CAMK1D: variants seen among roughly 807,000 people sequenced by gnomAD.
CAMK1D encodes the protein calcium/calmodulin-dependent protein kinase type 1D.
In CAMK1D, 9 loss-of-function variants were observed where a neutral mutation model predicts 47.7. The observed-to-expected ratio is 0.19, with a 90% CI of 0.11 to 0.33. The LOEUF (loss-of-function observed/expected upper bound fraction) is 0.33. Among genes scored for constraint, CAMK1D ranks in the 10% least tolerant of loss-of-function variants. The probability of loss-of-function intolerance (pLI) is 1.00; values close to 1 mark genes in which losing one functional copy is unlikely to be tolerated. For missense variants in CAMK1D, 291 were observed against 488.7 expected (o/e 0.60, Z 3.81); for synonymous variants, 184 against 184.9 (o/e 0.99, Z 0.04).
intron 2 of CAMK1D, among the ~76,000 whole-genome samples, chr10:12,637,026 C>T (rs370984726): frequency 1.3e-5 from 2 of 152,098 alleles, no homozygotes; most frequent in East Asian, 3.9e-4. Context: ...GGCTGGAGTA[C>T]AGTGCCTTCA....
intron 3 of CAMK1D, among the ~76,000 whole-genome samples, chr10:12,698,498 A>C (rs555740863): frequency 2.7e-4 from 41 of 152,278 alleles, no homozygotes; most frequent in African/African-American, 8.2e-4. Flanking sequence ...ACAGGTAAAA[A>C]ATTTAAATAT....
rs544054943 is a variant in CAMK1D at position 12,610,030 on chromosome 10, G to A, written c.224+56674G>A. Among the ~76,000 whole-genome samples the A allele has an allele frequency of 3.9e-5, 6 of 152,286 alleles. No homozygotes were observed. In the East Asian group the frequency reaches 9.7e-4, roughly 25 times the overall value. On this transcript the variant is annotated intron_variant, in intron 2 of 10. Coordinates refer to ENST00000619168, the MANE Select transcript of CAMK1D (RefSeq NM_153498.4). ...ACAGCCCAGTAGTGTGCTGGTAAAC[G>A]TTTAACAACGGGCTCTTGGGGCAGT...
intron 2 of CAMK1D, among the ~76,000 whole-genome samples, chr10:12,651,243 T>G (rs1839955378): frequency 6.6e-6 from 1 of 152,172 alleles, no homozygotes; most frequent in Non-Finnish European, 1.5e-5. Flanking sequence ...ACTCAAACAC[T>G]GTGGGTCCAG....
At chr10:12,421,102 G>C (rs192139284) in intron 1 of CAMK1D, among the ~76,000 whole-genome samples, 51 of 152,282 alleles carry the variant, frequency 3.3e-4, no homozygotes, top group Admixed American at 3.3e-3. Context: ...GCGTGGTGTT[G>C]AGGTGAAGGC....
intron 8 of CAMK1D, among the ~76,000 whole-genome samples, chr10:12,823,331 C>T (rs1432555787): frequency 1.3e-5 from 2 of 152,104 alleles, no homozygotes; most frequent in African/African-American, 2.4e-5. Context: ...CTTTCTTAGC[C>T]ATCAGATAGT....
At chr10:12,359,779 T>A (rs1837608786) in intron 1 of CAMK1D, among the ~76,000 whole-genome samples, 1 of 152,200 alleles carries the variant, frequency 6.6e-6, no homozygotes, top group Admixed American at 6.5e-5. Context: ...ATCATGAAGT[T>A]TTGTAGTTTA....
intron 2 of CAMK1D, among the ~76,000 whole-genome samples, chr10:12,634,795 C>T (rs1053187341): frequency 1.3e-5 from 2 of 152,110 alleles, no homozygotes; most frequent in Non-Finnish European, 2.9e-5. Context: ...CGCTGGGAGG[C>T]AACATCTCGG....
intron 6 of CAMK1D, among the ~76,000 whole-genome samples, chr10:12,798,682 G>C (rs929796418): frequency 7.9e-5 from 12 of 152,226 alleles, no homozygotes; most frequent in Non-Finnish European, 1.5e-5. Flanking sequence ...AAAATGTGCT[G>C]TTTGTGTATG....
chr10:12,683,727 A>G (rs1023490028), intron 3 of CAMK1D, among the ~76,000 whole-genome samples: 2 of 143,430 alleles, frequency 1.4e-5, no homozygotes, highest in African/African-American at 5.2e-5. Context: ...GAAGTAAATG[A>G]ATTTAGGAAT....
At chr10:12,772,474 G>A (rs777955983) in intron 5 of CAMK1D, among the ~76,000 whole-genome samples, 19 of 152,156 alleles carry the variant, frequency 1.2e-4, no homozygotes, top group Non-Finnish European at 2.5e-4. Context: ...CCCTAGCTAC[G>A]TACGCATCAC....
intron 1 of CAMK1D, among the ~76,000 whole-genome samples, chr10:12,496,465 C>A (rs1344485046): frequency 6.6e-6 from 1 of 152,060 alleles, no homozygotes; most frequent in Non-Finnish European, 1.5e-5. Flanking sequence ...TGTCAGACAG[C>A]AGAATGGAGG....
At chr10:12,777,901 C>A (rs1025364212) in intron 5 of CAMK1D, among the ~76,000 whole-genome samples, 10 of 152,194 alleles carry the variant, frequency 6.6e-5, no homozygotes, top group Non-Finnish European at 1.3e-4. Flanking sequence ...CAGGGCAGAG[C>A]CCAGCCCCAT....
intron 1 of CAMK1D, among the ~76,000 whole-genome samples, chr10:12,449,045 T>C (rs573170534): frequency 2.0e-4 from 31 of 152,360 alleles, no homozygotes; most frequent in African/African-American, 7.0e-4. Flanking sequence ...TGTTATTGTA[T>C]GATTCTATCC....
At chr10:12,743,502 C>T (rs1835529495) in intron 3 of CAMK1D, among the ~76,000 whole-genome samples, 1 of 152,136 alleles carries the variant, frequency 6.6e-6, no homozygotes, top group Non-Finnish European at 1.5e-5. Context: ...GAAGAATGCA[C>T]TTAAAAAATA....
chr10:12,827,101 ATTC>A (rs1190173389), intron 10 of CAMK1D, among the ~76,000 whole-genome samples: 2 of 152,058 alleles, frequency 1.3e-5, no homozygotes, highest in Non-Finnish European at 2.9e-5. Context: ...GAACATCTCT[ATTC>A]TTGCTCTTTT....
At chr10:12,572,028 C>A (rs1837342552) in intron 2 of CAMK1D, among the ~76,000 whole-genome samples, 1 of 129,078 alleles carries the variant, frequency 7.7e-6, no homozygotes, top group African/African-American at 3.1e-5. Flanking sequence ...AAAGCAGCAC[C>A]CAAAAACTAA....
At chr10:12,662,277 C>T (rs767514341) in intron 2 of CAMK1D, among the ~76,000 whole-genome samples, 1 of 152,136 alleles carries the variant, frequency 6.6e-6, no homozygotes, top group African/African-American at 2.4e-5. Flanking sequence ...TCATCTGAAA[C>T]GCTGCATGGA....
intron 3 of CAMK1D, among the ~76,000 whole-genome samples, chr10:12,746,779 C>G (rs1000258239): frequency 3.9e-5 from 6 of 152,288 alleles, no homozygotes; most frequent in Middle Eastern, 6.8e-3. Context: ...AGCCACGCCA[C>G]AGCTGGGGGC....
At chr10:12,766,588 GA>G (rs995810924) in intron 4 of CAMK1D, among the ~76,000 whole-genome samples, 6 of 150,596 alleles carry the variant, frequency 4.0e-5, no homozygotes, top group African/African-American at 9.7e-5. Flanking sequence ...TTCTTTGTTA[GA>G]AAAAAAAATA....
Sources: gnomAD v4.1 joint callset for allele counts (sites outside exome capture counted in the v4.1 genomes callset) on GRCh38, gnomAD v4.1.1 for gene constraint, MANE v1.5 for transcripts, NCBI Gene and HGNC (gene_info 2026-07-23, HGNC 2026-07-21) for gene names.